The following MYO1E variants were observed in gnomAD, a reference collection of about 807,000 sequenced individuals.
The protein encoded by MYO1E is unconventional myosin-Ie.
MYO1E carries 68 observed loss-of-function variants against 151.1 expected under a neutral mutation model. That is an observed-to-expected ratio of 0.45 (90% CI 0.37 to 0.55). The LOEUF (loss-of-function observed/expected upper bound fraction) is 0.55. Ranked by LOEUF, MYO1E falls within the 20% of genes least tolerant of loss-of-function variation. The pLI, the probability that MYO1E is intolerant of heterozygous loss-of-function variation, is 0.00. For synonymous variants in MYO1E, 601 were observed against 501.7 expected, an observed-to-expected ratio of 1.20 and a Z score of -2.64; for missense variants, 1,363 against 1,389.3, an observed-to-expected ratio of 0.98 and a Z score of 0.30.
chr15:59,309,412 T>C (rs140822128), intron 1 of MYO1E, among the ~76,000 whole-genome samples: 1 of 152,322 alleles, frequency 6.6e-6, no homozygotes, highest in East Asian at 1.9e-4. Flanking sequence ...TCAAAGGATT[T>C]TCCATTGTTC....
At chr15:59,217,519 C>CTTTTTTTTTTTTTTTTTTTTTTTT (rs1164320277) in intron 10 of MYO1E, among the ~76,000 whole-genome samples, 1 of 53,154 alleles carries the variant, frequency 1.9e-5, no homozygotes, top group African/African-American at 7.0e-5. Context: ...GTCGTTTTAC[C>CTTTTTTTTTTTTTTTTTTTTTTTT]TTTTTTTTTT....
intron 1 of MYO1E, among the ~76,000 whole-genome samples, chr15:59,315,964 T>G (rs1212185006): frequency 6.6e-6 from 1 of 152,154 alleles, no homozygotes; most frequent in Non-Finnish European, 1.5e-5. Flanking sequence ...TGTAACATTT[T>G]GTAGACACTG....
At chr15:59,261,610 G>C in intron 2 of MYO1E, 101 bp from the exon 3 acceptor site, 1 of 816,952 alleles carries the variant, frequency 1.2e-6, no homozygotes, top group Non-Finnish European at 2.1e-6. Flanking sequence ...GACTGTCCAA[G>C]TGGAAAGTTT....
At chr15:59,265,199 G>A (rs1366775205) in intron 2 of MYO1E, among the ~76,000 whole-genome samples, 1 of 152,108 alleles carries the variant, frequency 6.6e-6, no homozygotes, top group African/African-American at 2.4e-5. Flanking sequence ...TTCCATGGAG[G>A]AGGGTACTTG....
At chr15:59,259,525 A>G (rs1484674874) in intron 3 of MYO1E, among the ~76,000 whole-genome samples, 1 of 152,090 alleles carries the variant, frequency 6.6e-6, no homozygotes, top group Admixed American at 6.5e-5. Flanking sequence ...CCTCTCAGTT[A>G]CCCTCATTTT....
chr15:59,259,353 A>G (rs1003207634), intron 3 of MYO1E, among the ~76,000 whole-genome samples: 2 of 152,180 alleles, frequency 1.3e-5, no homozygotes, highest in Admixed American at 1.3e-4. Context: ...CACATGTAAC[A>G]TGAGTGATTC....
intron 1 of MYO1E, among the ~76,000 whole-genome samples, chr15:59,307,972 T>C (rs536665013): frequency 6.0e-5 from 9 of 149,888 alleles, no homozygotes; most frequent in Non-Finnish European, 1.2e-4. Context: ...ATCCCAGCAC[T>C]TGGGGAGGCC....
intron 2 of MYO1E, among the ~76,000 whole-genome samples, chr15:59,263,143 AG>A (rs1343776551): frequency 6.6e-6 from 1 of 152,238 alleles, no homozygotes; most frequent in African/African-American, 2.4e-5. Flanking sequence ...ACAAATATAT[AG>A]TTTTAGATAA....
At chr15:59,319,548 A>AC (rs2080611551) in intron 1 of MYO1E, among the ~76,000 whole-genome samples, 1 of 75,004 alleles carries the variant, frequency 1.3e-5, no homozygotes. Flanking sequence ...AAGTCAAACT[A>AC]CCTTTTTTTT....
rs74017380 is a variant in MYO1E, at chr15:59,189,038, T to C, written c.1806-822A>G. Reference sequence around the variant, plus strand: ...AATGGTCTAAAATATATCTAAATTATAGTTTTAGTTGATTTCTTCTTTCTT... The same window carrying C: ...AATGGTCTAAAATATATCTAAATTACAGTTTTAGTTGATTTCTTCTTTCTT... On this transcript the variant is annotated intron_variant, in intron 17 of 27. Transcript: ENST00000288235. Among the ~76,000 whole-genome samples the C allele has an allele frequency of 8.5e-3, 1,296 of 152,340 alleles. 17 individuals are homozygous for C. The highest frequency in any genetic ancestry group is 0.029 in the African/African-American group (1,202 of 41,576).
intron 4 of MYO1E, among the ~76,000 whole-genome samples, chr15:59,255,786 G>A (rs1398538185): frequency 1.3e-5 from 2 of 152,170 alleles, no homozygotes; most frequent in Non-Finnish European, 2.9e-5. Flanking sequence ...GTCCTAGGCC[G>A]CATGTGGCCC....
intron 13 of MYO1E, among the ~76,000 whole-genome samples, chr15:59,209,919 C>T (rs1377951543): frequency 1.4e-5 from 2 of 141,606 alleles, no homozygotes; most frequent in Non-Finnish European, 3.1e-5. Context: ...ACCACATCCT[C>T]AACCTCCCAG....
At chr15:59,272,126 T>G (rs568890023) in intron 2 of MYO1E, 180 bp downstream of exon 2, 1 of 638,726 alleles carries the variant, frequency 1.6e-6, no homozygotes, top group African/African-American at 1.8e-5. Flanking sequence ...TTTTTATTTT[T>G]ATTTTTTATA....
chr15:59,170,076 ACT>A (rs1374068542), intron 22 of MYO1E, among the ~76,000 whole-genome samples: 2 of 152,172 alleles, frequency 1.3e-5, no homozygotes, highest in Non-Finnish European at 2.9e-5. Flanking sequence ...CAGGAGAACC[ACT>A]TGGACCAGGG....
chr15:59,330,409 C>CTTAAA (rs1225241245), intron 1 of MYO1E, among the ~76,000 whole-genome samples: 30 of 152,172 alleles, frequency 2.0e-4, no homozygotes, highest in Admixed American at 2.0e-3. Flanking sequence ...GTGATGTTAA[C>CTTAAA]TTAAATTGGC....
At position 59,132,989 on chromosome 15, in the gene MYO1E, A is replaced by T. The variant is rs1199479763; in HGVS notation, c.*4391T>A. 1 of 152,208 alleles carries T rather than the reference A, an allele frequency of 6.6e-6. No homozygotes were observed. The highest frequency in any genetic ancestry group is 1.9e-4 in the East Asian group (1 of 5,200). 9.4% of individuals were successfully genotyped at this position (152,208 alleles called of 1,614,324 possible). Reference sequence around the variant, plus strand: ...TTTTCTTCTCTCTCTCTTTTTAAATAGACTTTTATGTTCTGAGAGGAAGAT... The same window carrying T: ...TTTTCTTCTCTCTCTCTTTTTAAATTGACTTTTATGTTCTGAGAGGAAGAT... On this transcript the variant is annotated 3_prime_UTR_variant, in exon 28 of 28. Transcript: ENST00000288235.
At position 59,173,976 on chromosome 15, in the gene MYO1E, A is replaced by G. The variant is rs2079610192; in HGVS notation, c.2165-61T>C. ...TAAGTCAGTCAGAAAAGGGAGGAAAATACTGTGGAAATATACAAAGAAACT... is the reference window on the plus strand; with the variant it reads ...TAAGTCAGTCAGAAAAGGGAGGAAAGTACTGTGGAAATATACAAAGAAACT... On this transcript the variant is annotated intron_variant, in intron 20 of 27. Transcript: ENST00000288235. The G allele has an allele frequency of 3.2e-6, 5 of 1,572,644 alleles. No individual in the cohort carries two copies. The East Asian group carries it at 9.0e-5, about 28-fold the overall frequency.
intron 1 of MYO1E, among the ~76,000 whole-genome samples, chr15:59,313,965 T>G (rs1042667919): frequency 6.6e-6 from 1 of 152,222 alleles, no homozygotes; most frequent in East Asian, 1.9e-4. Context: ...GAACAGGAGT[T>G]AGACAGCGTG....
At chr15:59,356,702 C>G (rs1171557892) in intron 1 of MYO1E, among the ~76,000 whole-genome samples, 2 of 151,974 alleles carry the variant, frequency 1.3e-5, no homozygotes, top group East Asian at 1.9e-4. Context: ...ATAAGCCTCC[C>G]AAGTAGCTGG....
Sources: gnomAD v4.1 joint callset for allele counts (sites outside exome capture counted in the v4.1 genomes callset) on GRCh38, gnomAD v4.1.1 for gene constraint, MANE v1.5 for transcripts, NCBI Gene and HGNC (gene_info 2026-07-23, HGNC 2026-07-21) for gene names.